MAGI2: variants seen among roughly 807,000 people sequenced by gnomAD.
MAGI2 encodes the protein membrane associated guanylate kinase, WW and PDZ domain containing 2, also known as membrane-associated guanylate kinase, WW and PDZ domain-containing protein 2.
MAGI2 carries 35 observed loss-of-function variants against 133.3 expected under a neutral mutation model. The observed-to-expected ratio is 0.26, with a 90% CI of 0.20 to 0.35. MAGI2 has a LOEUF of 0.35. MAGI2 is among the 10% of genes least tolerant of loss of function. MAGI2 has a pLI of 1.00. For synonymous variants in MAGI2, 729 were observed against 710.6 expected, an observed-to-expected ratio of 1.03 and a Z score of -0.41; for missense variants, 1,636 against 1,863.4, an observed-to-expected ratio of 0.88 and a Z score of 2.25.
intron 2 of MAGI2, among the ~76,000 whole-genome samples, chr7:78,773,570 A>G (rs1291045583): frequency 6.6e-6 from 1 of 152,242 alleles, no homozygotes; most frequent in Non-Finnish European, 1.5e-5. Flanking sequence ...AGAAACTCAA[A>G]ACAGGTACCC....
intron 2 of MAGI2, among the ~76,000 whole-genome samples, chr7:78,695,212 G>A (rs143675291): frequency 0.051 from 7,825 of 152,142 alleles, 279 homozygotes; most frequent in Non-Finnish European, 0.077. Context: ...GCGACAGAGC[G>A]AGACTCTGTC....
chr7:79,437,121 A>C (rs1454520399), intron 1 of MAGI2, among the ~76,000 whole-genome samples: 1 of 152,158 alleles, frequency 6.6e-6, no homozygotes, highest in Non-Finnish European at 1.5e-5. Flanking sequence ...ACATATTATC[A>C]CTTATAAGTG....
rs933518957 is a variant in MAGI2, at chr7:78,160,190, T to C, written c.2680A>G (p.Thr894Ala). The C allele has an allele frequency of 1.2e-6, 2 of 1,612,518 alleles. No homozygotes were observed. The highest frequency in any genetic ancestry group is 2.7e-5 in the African/African-American group (2 of 74,904). ...SSPRSDYATY[T>A]NSNHAAPSSN... ...CTGGGGGCAGCGTGGTTGCTGTTGGTGTAGGTTGCGTAGTCACTGCGTGGA... is the reference window on the plus strand; with the variant it reads ...CTGGGGGCAGCGTGGTTGCTGTTGGCGTAGGTTGCGTAGTCACTGCGTGGA... Residue 894 changes from threonine (T) to alanine (A), a missense_variant, in exon 16 of 22, where the codon ACC becomes GCC. Transcript: ENST00000354212.
intron 2 of MAGI2, among the ~76,000 whole-genome samples, chr7:78,776,894 T>C (rs2151331111): frequency 6.6e-6 from 1 of 152,328 alleles, no homozygotes; most frequent in African/African-American, 2.4e-5. Context: ...TTTGTGAGCA[T>C]AAACTAAATG....
At chr7:78,632,959 C>T (rs902146110) in intron 2 of MAGI2, among the ~76,000 whole-genome samples, 14 of 152,188 alleles carry the variant, frequency 9.2e-5, no homozygotes, top group African/African-American at 2.7e-4. Flanking sequence ...TTCACTGCAG[C>T]AGTATTCACA....
chr7:78,862,479 G>A (rs1794228775), intron 2 of MAGI2, among the ~76,000 whole-genome samples: 2 of 152,286 alleles, frequency 1.3e-5, no homozygotes, highest in African/African-American at 4.8e-5. Context: ...GTAAATTATG[G>A]AGTTTGTCCA....
At chr7:78,677,999 A>T (rs1815238262) in intron 2 of MAGI2, among the ~76,000 whole-genome samples, 1 of 152,128 alleles carries the variant, frequency 6.6e-6, no homozygotes, top group Non-Finnish European at 1.5e-5. Context: ...CTTCCAAGAA[A>T]GGGGCAAAGG....
intron 2 of MAGI2, among the ~76,000 whole-genome samples, chr7:78,722,524 A>C (rs1820364447): frequency 6.6e-6 from 1 of 152,206 alleles, no homozygotes; most frequent in African/African-American, 2.4e-5. Context: ...CATTCTTATT[A>C]GAGTTATTTG....
At chr7:79,451,124 G>C (rs780199737) in intron 1 of MAGI2, among the ~76,000 whole-genome samples, 1 of 152,034 alleles carries the variant, frequency 6.6e-6, no homozygotes, top group Non-Finnish European at 1.5e-5. Flanking sequence ...CTTTGCTAGC[G>C]TGACAGTTTG....
intron 2 of MAGI2, among the ~76,000 whole-genome samples, chr7:78,811,709 G>A (rs1256320912): frequency 2.6e-5 from 4 of 152,176 alleles, no homozygotes; most frequent in Admixed American, 2.6e-4. Context: ...TTTAGAGAAG[G>A]CCAAATTTGG....
intron 2 of MAGI2, among the ~76,000 whole-genome samples, chr7:78,989,191 T>TG (rs1805531466): frequency 6.6e-6 from 1 of 152,070 alleles, no homozygotes; most frequent in Admixed American, 6.6e-5. Context: ...CTGCTGCTAC[T>TG]CTCATCTTTC....
chr7:79,321,227 T>C (rs888700314), intron 1 of MAGI2, among the ~76,000 whole-genome samples: 1 of 152,220 alleles, frequency 6.6e-6, no homozygotes, highest in African/African-American at 2.4e-5. Flanking sequence ...ATTTACATTT[T>C]ACTAATTTTT....
rs1834852798 is a variant in MAGI2, at chr7:79,271,252, G to A, written c.301+181768C>T. Among the ~76,000 whole-genome samples, 4 of 152,210 alleles carry A rather than the reference G, an allele frequency of 2.6e-5. No individual in the cohort carries two copies. In the South Asian group the frequency reaches 8.3e-4, roughly 32 times the overall value. ...AAAACACAATCATATAGCATTCTGT[G>A]CCATCACATATATGTCAACTTCATC... is the stretch of plus-strand genomic sequence containing the variant. On this transcript the variant is annotated intron_variant, in intron 1 of 21. Coordinates refer to ENST00000354212, the MANE Select transcript of MAGI2 (RefSeq NM_012301.4).
chr7:78,133,117 G>T (rs1393399746), intron 17 of MAGI2, 57 bp from the exon 18 acceptor site: 14 of 1,391,328 alleles, frequency 1.0e-5, no homozygotes, highest in Admixed American at 2.5e-5. Flanking sequence ...TAAGGGGAAA[G>T]AAGTGACTAG....
At chr7:78,918,279 A>G (rs1208775803) in intron 2 of MAGI2, among the ~76,000 whole-genome samples, 3 of 152,144 alleles carry the variant, frequency 2.0e-5, no homozygotes. Context: ...TTACTTGTTT[A>G]GTGTATTTTC....
chr7:78,389,839 T>G (rs1350242913), intron 6 of MAGI2, among the ~76,000 whole-genome samples: 7 of 152,176 alleles, frequency 4.6e-5, no homozygotes, highest in Non-Finnish European at 1.0e-4. Flanking sequence ...CACATGTGGA[T>G]TAAAGAAAAT....
intron 2 of MAGI2, among the ~76,000 whole-genome samples, chr7:78,705,791 T>A (rs1818582728): frequency 6.6e-6 from 1 of 152,130 alleles, no homozygotes. Context: ...GACTTAACAT[T>A]TCCAGGCAAC....
chr7:78,704,717 C>T, intron 2 of MAGI2, among the ~76,000 whole-genome samples: 1 of 150,780 alleles, frequency 6.6e-6, no homozygotes, highest in East Asian at 1.9e-4. Flanking sequence ...TACTATGCAG[C>T]CATGAAAAAC....
Position 78,227,850 on chromosome 7 carries a change from T to TTTGTG in MAGI2, c.2048-26658_2048-26657insCACAA, listed in dbSNP as rs10630131. ...AATACCATACTGCCTTCTTACTCAG[T>TTTGTG]TGTGTGTGTGTGTGTGTGTGTGTGT... On this transcript the variant is annotated intron_variant, in intron 10 of 21. Coordinates refer to ENST00000354212, the MANE Select transcript of MAGI2 (RefSeq NM_012301.4). 1.8e-3 allele frequency among the ~76,000 whole-genome samples: 268 copies of TTTGTG among 145,640 alleles called. 1 individual carries two copies. Among genetic ancestry groups the TTTGTG allele is most frequent in the East Asian group, 0.015 (73 of 4,956 alleles).
Sources: allele counts gnomAD v4.1 joint callset (sites outside exome capture counted in the v4.1 genomes callset), GRCh38; gene constraint gnomAD v4.1.1; transcripts MANE v1.5; gene names NCBI Gene and HGNC (gene_info 2026-07-23, HGNC 2026-07-21).